Variants in TMEM177 observed in about 807,000 individuals in gnomAD.
TMEM177 encodes the protein transmembrane protein 177.
Under a neutral mutation model 14.2 loss-of-function variants are expected in TMEM177, and 4 were observed. The ratio of observed to expected loss-of-function variants is 0.28; its 90% CI spans 0.14 to 0.64. The LOEUF (loss-of-function observed/expected upper bound fraction) is 0.64. Ranked by LOEUF, TMEM177 falls within the 30% of genes least tolerant of loss-of-function variation. The pLI, the probability that TMEM177 is intolerant of heterozygous loss-of-function variation, is 0.82. For missense variants in TMEM177, 344 were observed against 405.2 expected (o/e 0.85, Z 1.30); for synonymous variants, 179 against 174.5 (o/e 1.03, Z -0.20).
chr2:119,680,635 A>G (rs1239299616), intron 1 of TMEM177, among the ~76,000 whole-genome samples, 197 bp from the exon 2 acceptor site: 1 of 152,116 alleles, frequency 6.6e-6, no homozygotes, highest in African/African-American at 2.4e-5. Context: ...ATTACGACAC[A>G]CCTGTTTGGC....
At chr2:119,718,445 A>G in the TMEM177 span, among the ~76,000 whole-genome samples, 1 of 152,190 alleles carries the variant, frequency 6.6e-6, no homozygotes, top group Non-Finnish European at 1.5e-5. Flanking sequence ...GTTTCAGGCA[A>G]TGGAGCAGGT....
the TMEM177 span, among the ~76,000 whole-genome samples, chr2:119,721,541 T>C: frequency 1.3e-5 from 2 of 152,178 alleles, no homozygotes; most frequent in African/African-American, 4.8e-5. Context: ...ACACCCAGAT[T>C]TGTAGCCAGC....
the TMEM177 span, among the ~76,000 whole-genome samples, chr2:119,720,431 C>G: frequency 6.6e-6 from 1 of 152,040 alleles, no homozygotes; most frequent in Non-Finnish European, 1.5e-5. Context: ...TGTGCCACCA[C>G]GCCCAGCTAA....
At chr2:119,698,040 C>T in the TMEM177 span, among the ~76,000 whole-genome samples, 3 of 152,140 alleles carry the variant, frequency 2.0e-5, no homozygotes, top group African/African-American at 7.2e-5. Flanking sequence ...TGAAGTTCCT[C>T]TGAGCTCCAG....
Position 119,681,717 on chromosome 2 carries a change from T to C in TMEM177, c.864T>C (p.His288=). The stretch of plus-strand genomic sequence containing the variant: ...CCAGACACTTGTTCCGAATCAAACA[T>C]TTACCCTACACCACCCGCCGGGACT... ...IVPRHLFRIK[H]LPYTTRRDSV... is the part of the protein sequence containing the mutation. Residue 288 remains histidine (H), a synonymous_variant, in exon 2 of 2, where the codon CAT becomes CAC. Transcript: ENST00000272521. The C allele has an allele frequency of 6.2e-7, 1 of 1,614,056 alleles. No homozygotes were observed. The highest frequency in any genetic ancestry group is 8.5e-7 in the Non-Finnish European group (1 of 1,180,016).
At chr2:119,694,134 A>G in the TMEM177 span, among the ~76,000 whole-genome samples, 1 of 72,290 alleles carries the variant, frequency 1.4e-5, no homozygotes, top group African/African-American at 5.3e-5. Flanking sequence ...CATGCCACGC[A>G]CATTGCACGT....
the TMEM177 span, among the ~76,000 whole-genome samples, chr2:119,710,294 G>GTATAC: frequency 6.6e-6 from 1 of 152,224 alleles, no homozygotes; most frequent in Admixed American, 6.5e-5. Context: ...TATAGGAGCA[G>GTATAC]TGTATTGGGC....
the TMEM177 span, among the ~76,000 whole-genome samples, chr2:119,720,640 A>G: frequency 6.6e-6 from 1 of 152,084 alleles, no homozygotes; most frequent in African/African-American, 2.4e-5. Context: ...TATCTTGCTG[A>G]CTGAATTTTT....
the TMEM177 span, among the ~76,000 whole-genome samples, chr2:119,693,641 C>T: frequency 6.6e-6 from 1 of 152,152 alleles, no homozygotes; most frequent in East Asian, 1.9e-4. Context: ...GAAGCCAACA[C>T]TGAGGCTGAC....
downstream of TMEM177, chr2:119,685,963 A>C (rs1689007671): frequency 8.0e-6 from 4 of 497,696 alleles, no homozygotes; most frequent in Non-Finnish European, 1.4e-5. Context: ...AGGGACAACC[A>C]GCCTACCATG....
chr2:119,696,538 G>A, the TMEM177 span, among the ~76,000 whole-genome samples: 1 of 152,168 alleles, frequency 6.6e-6, no homozygotes, highest in African/African-American at 2.4e-5. Flanking sequence ...TTATATTCTA[G>A]TGAGAGGCAC....
chr2:119,683,149 C>T (rs114330678), downstream of TMEM177, among the ~76,000 whole-genome samples: 2,129 of 152,302 alleles, frequency 0.014, 22 homozygotes, highest in Non-Finnish European at 0.021. Flanking sequence ...CTGCAGAATG[C>T]AGTGGGAATG....
chr2:119,680,966 C>G lies in TMEM177; in HGVS notation c.113C>G (p.Pro38Arg). 6.2e-7 allele frequency: 1 copy of G among 1,614,222 alleles called. No individual in the cohort carries two copies. The highest frequency in any genetic ancestry group is 8.5e-7 in the Non-Finnish European group (1 of 1,180,030). ...GTTCCAATCTCGTACCACCTCTTCCCGGATCCCGTGGTCCAATGGCTCTAC... is the reference window on the plus strand; with the variant it reads ...GTTCCAATCTCGTACCACCTCTTCCGGGATCCCGTGGTCCAATGGCTCTAC... ...FGVPISYHLFPDPVVQWLYQY... is the reference protein window; with the variant it reads ...FGVPISYHLFRDPVVQWLYQY... Residue 38 changes from proline to arginine, a missense_variant, in exon 2 of 2, where the codon CCG (proline) becomes CGG (arginine). Pro to Arg is a moderately radical substitution (Grantham distance 103, BLOSUM62 -2). Transcript: ENST00000272521.
Position 119,681,021 on chromosome 2 carries a change from G to A in TMEM177, c.168G>A (p.Pro56=), listed in dbSNP as rs116090839. The A allele has an allele frequency of 1.5e-5, 24 of 1,614,042 alleles. No homozygotes were observed. The Admixed American group carries it at 2.0e-4, about 13-fold the overall frequency. ...ACTGGCCTCAGGGCCAGCCAGCTCC[G>A]CTCCCTCCACAGCTGCAGAGCCTCT... The part of the protein sequence containing the change: ...YQYWPQGQPA[P]LPPQLQSLFQ... Residue 56 remains proline (P), a synonymous_variant, in exon 2 of 2, where the codon CCG becomes CCA. Coordinates refer to ENST00000272521, the MANE Select transcript of TMEM177 (RefSeq NM_030577.3).
chr2:119,723,412 G>C, the TMEM177 span, among the ~76,000 whole-genome samples: 1 of 152,104 alleles, frequency 6.6e-6, no homozygotes, highest in African/African-American at 2.4e-5. Flanking sequence ...CAGCTTCCAG[G>C]GGGAAATGAA....
At chr2:119,706,820 G>A in the TMEM177 span, among the ~76,000 whole-genome samples, 6 of 152,144 alleles carry the variant, frequency 3.9e-5, no homozygotes, top group Non-Finnish European at 7.3e-5. Flanking sequence ...CAAGGTTGCT[G>A]CTGCATCACC....
At chr2:119,695,291 A>C in the TMEM177 span, among the ~76,000 whole-genome samples, 8 of 152,236 alleles carry the variant, frequency 5.3e-5, no homozygotes, top group Non-Finnish European at 1.0e-4. Context: ...TGAAAAGCAG[A>C]AAGCAATGCA....
At chr2:119,723,606 A>G in the TMEM177 span, among the ~76,000 whole-genome samples, 1 of 152,220 alleles carries the variant, frequency 6.6e-6, no homozygotes, top group Non-Finnish European at 1.5e-5. Context: ...TAAATGCTCC[A>G]TTTAACCCCA....
downstream of TMEM177, among the ~76,000 whole-genome samples, chr2:119,684,209 C>T (rs1688971335): frequency 1.3e-5 from 2 of 152,224 alleles, no homozygotes; most frequent in South Asian, 4.1e-4. Context: ...CCCTCCTGCC[C>T]ACACAGCTTT....
Sources: allele counts gnomAD v4.1 joint callset (sites outside exome capture counted in the v4.1 genomes callset), GRCh38; gene constraint gnomAD v4.1.1; transcripts MANE v1.5; gene names NCBI Gene and HGNC (gene_info 2026-07-23, HGNC 2026-07-21).